Variants in DOP1B observed in about 807,000 individuals in gnomAD.
The protein encoded by DOP1B is DOP1 leucine zipper like protein B.
In DOP1B, 174 loss-of-function variants were observed where a neutral mutation model predicts 233.5. The ratio of observed to expected loss-of-function variants is 0.75; its 90% confidence interval spans 0.66 to 0.85. The LOEUF (loss-of-function observed/expected upper bound fraction) is 0.85, where lower values mean the gene tolerates loss of function less well. DOP1B is among the 40% of genes least tolerant of loss of function. The probability of loss-of-function intolerance (pLI) is 0.00; values close to 1 mark genes in which losing one functional copy is unlikely to be tolerated. For synonymous variants in DOP1B, 1,190 were observed against 1,185.6 expected (o/e 1.00, Z -0.08); for missense variants, 2,652 against 2,846.6 (o/e 0.93, Z 1.56).
intron 28 of DOP1B, 69 bp from the exon 29 acceptor site, chr21:36,277,906 T>C: frequency 7.9e-7 from 1 of 1,269,632 alleles, no homozygotes; most frequent in Non-Finnish European, 1.2e-6. Context: ...CCTCCCGAAG[T>C]GCTGGGATTA....
intron 14 of DOP1B, 143 bp downstream of exon 14, chr21:36,231,277 C>T (rs1029895789): frequency 1.8e-6 from 2 of 1,093,032 alleles, no homozygotes; most frequent in African/African-American, 3.2e-5. Flanking sequence ...GAATATTTGC[C>T]TTACACTTAC....
intron 2 of DOP1B, among the ~76,000 whole-genome samples, chr21:36,197,210 G>A (rs117612059): frequency 6.6e-6 from 1 of 152,144 alleles, no homozygotes; most frequent in East Asian, 1.9e-4. Flanking sequence ...AGGATTATAG[G>A]TGTGAGCCAC....
At position 36,201,345 on chromosome 21, in the gene DOP1B, C is replaced by CTTTTTTTTTTTTTTT. The variant is rs1172730528; in HGVS notation, c.491+850_491+864dup. On this transcript the variant is annotated intron_variant, in intron 4 of 36. Transcript: ENST00000691173. ...TCTATTCCACTGTATCTATTGGATT[C>CTTTTTTTTTTTTTTT]TTTTTTTTTTTTTTTTTTTTGAGAC... Among the ~76,000 whole-genome samples the CTTTTTTTTTTTTTTT allele has an allele frequency of 3.8e-4, 32 of 83,260 alleles. 7 individuals carry two copies. Among genetic ancestry groups the CTTTTTTTTTTTTTTT allele is most frequent in the African/African-American group, 1.1e-3 (22 of 19,866 alleles). 54.6% of individuals were successfully genotyped at this position (83,260 alleles called of 152,430 possible).
At chr21:36,199,346 G>C (rs1008412896) in intron 3 of DOP1B, 95 bp downstream of exon 3, 1 of 1,460,224 alleles carries the variant, frequency 6.8e-7, no homozygotes, top group African/African-American at 1.4e-5. Flanking sequence ...CAAAATAAGC[G>C]TAGGGCTGTG....
At chr21:36,262,815 C>T (rs973067427) in intron 24 of DOP1B, among the ~76,000 whole-genome samples, 3 of 151,804 alleles carry the variant, frequency 2.0e-5, no homozygotes, top group Non-Finnish European at 4.4e-5. Flanking sequence ...CGCTTAAACC[C>T]GGGGGGCAGA....
At chr21:36,221,554 A>G (rs1189651485) in intron 10 of DOP1B, among the ~76,000 whole-genome samples, 7 of 152,000 alleles carry the variant, frequency 4.6e-5, no homozygotes, top group Non-Finnish European at 7.4e-5. Flanking sequence ...TGACTTTTAG[A>G]CAGTTTCTGC....
At chr21:36,183,902 C>T (rs187266469) in intron 2 of DOP1B, among the ~76,000 whole-genome samples, 48 of 150,144 alleles carry the variant, frequency 3.2e-4, no homozygotes, top group African/African-American at 1.1e-3. Context: ...CTCACTCTGT[C>T]GCCCAGGCTG....
intron 4 of DOP1B, among the ~76,000 whole-genome samples, chr21:36,205,785 A>G (rs2066419544): frequency 4.6e-5 from 7 of 151,666 alleles, no homozygotes; most frequent in Admixed American, 4.6e-4. Flanking sequence ...GCGGGGGGTT[A>G]CCTGAGCTCA....
intron 27 of DOP1B, among the ~76,000 whole-genome samples, chr21:36,273,812 A>G (rs1299644227): frequency 6.6e-6 from 1 of 152,196 alleles, no homozygotes; most frequent in East Asian, 1.9e-4. Context: ...ACAGTGGCTC[A>G]CACCTGTAAT....
chr21:36,203,215 C>T (rs2066389877), intron 4 of DOP1B, among the ~76,000 whole-genome samples: 1 of 152,180 alleles, frequency 6.6e-6, no homozygotes, highest in Non-Finnish European at 1.5e-5. Flanking sequence ...ATCTATTTAG[C>T]TGTGACAGAA....
chr21:36,266,746 G>A (rs1478915966), intron 26 of DOP1B, among the ~76,000 whole-genome samples: 2 of 152,196 alleles, frequency 1.3e-5, no homozygotes, highest in Non-Finnish European at 2.9e-5. Context: ...GGGAGCTGAA[G>A]TTCTCTGGGG....
intron 2 of DOP1B, among the ~76,000 whole-genome samples, chr21:36,185,737 T>C (rs2066157472): frequency 6.6e-6 from 1 of 152,168 alleles, no homozygotes; most frequent in East Asian, 1.9e-4. Context: ...CTACCTAAAC[T>C]TCCTCTATGG....
intron 4 of DOP1B, among the ~76,000 whole-genome samples, chr21:36,202,918 T>C (rs1191084114): frequency 1.3e-5 from 2 of 152,304 alleles, no homozygotes; most frequent in African/African-American, 4.8e-5. Context: ...TTTCTAGAAG[T>C]TCTGCTGTGT....
chr21:36,175,184 C>T (rs1490632627), intron 2 of DOP1B, among the ~76,000 whole-genome samples: 2 of 151,562 alleles, frequency 1.3e-5, no homozygotes, highest in Admixed American at 6.6e-5. Context: ...GATCTTGGCT[C>T]ACTGCAACCT....
Position 36,245,843 on chromosome 21 carries a change from C to T in DOP1B, c.3863C>T (p.Ala1288Val). Residue 1288 changes from alanine (A) to valine (V), a missense_variant, in exon 19 of 37, where the codon GCC (alanine) becomes GTC (valine). Physicochemically the swap from Ala to Val is moderately conservative, Grantham distance 64 (BLOSUM62 0). This residue lies in a region of DOP1B where 2,617 missense variants were observed against 2,794.3 expected (regional missense o/e 0.94). Coordinates refer to ENST00000691173, the MANE Select transcript of DOP1B (RefSeq NM_001320714.2). This position sits in a 1 kb window ranked among gnomAD's most constrained non-coding sequence, Gnocchi z 5.5. ...AACCTCCTCGCTCGCCACCAGGAGG[C>T]CCTCATTGGCCAGAGTTTCTACGGA... ...ISNLLARHQE[A>V]LIGQSFYGKL... 1 of 1,613,906 alleles carries T rather than the reference C, an allele frequency of 6.2e-7. No individual in the cohort carries two copies. Among genetic ancestry groups the T allele is most frequent in the Middle Eastern group, 1.6e-4 (1 of 6,062 alleles).
Position 36,219,291 on chromosome 21 carries a change from G to A in DOP1B, c.1130-81G>A, listed in dbSNP as rs1342325143. The A allele has an allele frequency of 3.9e-6, 6 of 1,549,278 alleles. No individual in the cohort carries two copies. In the East Asian group the frequency reaches 9.0e-5, roughly 23 times the overall value. On this transcript the variant is annotated intron_variant, in intron 9 of 36. Transcript: ENST00000691173. ...GTCTGCACAGGTTTACTGTATATAT[G>A]TCTTATGTATATACATATGTCACTT...
chr21:36,165,089 A>G (rs541402645), intron 2 of DOP1B, among the ~76,000 whole-genome samples: 80 of 152,260 alleles, frequency 5.3e-4, no homozygotes, highest in Non-Finnish European at 9.4e-4. Context: ...AAAACCACTC[A>G]TAATTCTGTC....
intron 7 of DOP1B, among the ~76,000 whole-genome samples, chr21:36,212,652 C>T (rs1259073874): frequency 6.6e-6 from 1 of 152,160 alleles, no homozygotes; most frequent in Non-Finnish European, 1.5e-5. Context: ...GGGACAGAGC[C>T]TAGGAAATTG....
Position 36,208,830 on chromosome 21 carries a change from G to C in DOP1B, c.607G>C (p.Val203Leu). The part of the protein sequence containing the change: ...PSIRLPASVF[V>L]VGHINRDAPG... ...CATCCGCCTCCCTGCCTCAGTCTTCGTGGTGGGCCACATCAACAGGGATGC... is the reference window on the plus strand; with the variant it reads ...CATCCGCCTCCCTGCCTCAGTCTTCCTGGTGGGCCACATCAACAGGGATGC... Residue 203 changes from valine (V) to leucine (L), a missense_variant, in exon 5 of 37, where the codon GTG (valine) becomes CTG (leucine). By Grantham distance (32) the Val-to-Leu change is conservative. Around this residue, in one of 3 missense-constraint regions of DOP1B, gnomAD observed 2,617 missense variants for 2,794.3 expected, o/e 0.94. Coordinates refer to ENST00000691173, the MANE Select transcript of DOP1B (RefSeq NM_001320714.2). The C allele has an allele frequency of 6.2e-7, 1 of 1,601,008 alleles. No homozygotes were observed. The highest frequency in any genetic ancestry group is 8.5e-7 in the Non-Finnish European group (1 of 1,173,774).
Sources: allele counts gnomAD v4.1 joint callset (sites outside exome capture counted in the v4.1 genomes callset), GRCh38; gene constraint gnomAD v4.1.1; regional missense constraint gnomAD v4.1.1; non-coding constraint Gnocchi (gnomAD v3.1); transcripts MANE v1.5; gene names NCBI Gene and HGNC (gene_info 2026-07-23, HGNC 2026-07-21).